CDH13: variants seen among roughly 807,000 people sequenced by gnomAD.
CDH13 encodes cadherin-13.
CDH13 carries 24 observed loss-of-function variants against 63.8 expected under a neutral mutation model. That is an observed-to-expected ratio of 0.38 (90% CI 0.27 to 0.53). The LOEUF is 0.53. Among genes scored for constraint, CDH13 ranks in the 20% least tolerant of loss-of-function variants. The pLI is 0.85. For synonymous variants in CDH13, 503 were observed against 355.3 expected (o/e 1.42, Z -4.67); for missense variants, 1,049 against 903.1 (o/e 1.16, Z -2.07).
At chr16:83,192,844 C>T (rs539625648) in intron 4 of CDH13, among the ~76,000 whole-genome samples, 4 of 152,168 alleles carry the variant, frequency 2.6e-5, no homozygotes, top group African/African-American at 7.2e-5. Flanking sequence ...GCAATCGACT[C>T]GGGGCGAACA....
intron 2 of CDH13, among the ~76,000 whole-genome samples, chr16:82,913,272 C>A (rs931092205): frequency 1.3e-5 from 2 of 152,066 alleles, no homozygotes; most frequent in Non-Finnish European, 2.9e-5. Context: ...GAGAGGGAAA[C>A]GTTCGATGCT....
intron 1 of CDH13, among the ~76,000 whole-genome samples, chr16:82,711,427 T>G (rs1260112236): frequency 1.3e-5 from 2 of 152,146 alleles, no homozygotes; most frequent in African/African-American, 4.8e-5. Flanking sequence ...AGGAACACAG[T>G]GAAGTAAACA....
intron 12 of CDH13, among the ~76,000 whole-genome samples, chr16:83,782,925 C>G (rs184684494): frequency 6.6e-6 from 1 of 152,100 alleles, no homozygotes; most frequent in East Asian, 1.9e-4. Flanking sequence ...TCTTGGTAAT[C>G]AATCATCTTC....
At chr16:82,932,897 G>C (rs1432591471) in intron 2 of CDH13, among the ~76,000 whole-genome samples, 1 of 152,210 alleles carries the variant, frequency 6.6e-6, no homozygotes, top group African/African-American at 2.4e-5. Flanking sequence ...GACTAGTAGA[G>C]AATGAAGTTT....
intron 6 of CDH13, among the ~76,000 whole-genome samples, chr16:83,475,205 G>A (rs769463720): frequency 3.9e-5 from 6 of 152,248 alleles, no homozygotes; most frequent in Non-Finnish European, 7.3e-5. Flanking sequence ...CTGTGCAACT[G>A]TGCAGGTCAC....
intron 7 of CDH13, among the ~76,000 whole-genome samples, chr16:83,579,192 T>TACC: frequency 6.6e-6 from 1 of 152,330 alleles, no homozygotes; most frequent in Middle Eastern, 3.4e-3. Context: ...ACCTCACTGT[T>TACC]ACCACCTCAG....
At chr16:83,099,955 G>C (rs971558679) in intron 3 of CDH13, among the ~76,000 whole-genome samples, 2 of 152,120 alleles carry the variant, frequency 1.3e-5, no homozygotes, top group Admixed American at 6.5e-5. Context: ...GTCCTACAAA[G>C]CCAAGTTAGC....
At chr16:83,712,485 G>A (rs979348151) in intron 10 of CDH13, among the ~76,000 whole-genome samples, 5 of 152,190 alleles carry the variant, frequency 3.3e-5, no homozygotes, top group Admixed American at 3.3e-4. Context: ...TGTCTTTACA[G>A]AAGGAAATAT....
intron 7 of CDH13, among the ~76,000 whole-genome samples, chr16:83,549,324 A>T (rs913787692): frequency 6.6e-6 from 1 of 152,174 alleles, no homozygotes; most frequent in Admixed American, 6.5e-5. Flanking sequence ...TGTGCAAAGC[A>T]CCTATTTGGA....
chr16:83,242,629 G>A (rs1444881089), intron 5 of CDH13, among the ~76,000 whole-genome samples: 1 of 152,186 alleles, frequency 6.6e-6, no homozygotes, highest in African/African-American at 2.4e-5. Context: ...TAGATCAGTG[G>A]AAGAGAAGAT....
At chr16:83,650,122 C>G (rs1219235345) in intron 8 of CDH13, among the ~76,000 whole-genome samples, 1 of 152,172 alleles carries the variant, frequency 6.6e-6, no homozygotes, top group East Asian at 1.9e-4. Context: ...TTGACCCTGG[C>G]TGTAAGACCA....
intron 6 of CDH13, among the ~76,000 whole-genome samples, chr16:83,434,536 TCTAAC>T (rs1484726381): frequency 1.3e-5 from 2 of 151,666 alleles, no homozygotes; most frequent in Non-Finnish European, 2.9e-5. Flanking sequence ...TGCTGAAAAA[TCTAAC>T]CTAGAGTCCC....
At chr16:82,709,700 G>A (rs1208081256) in intron 1 of CDH13, among the ~76,000 whole-genome samples, 3 of 152,288 alleles carry the variant, frequency 2.0e-5, no homozygotes, top group South Asian at 4.1e-4. Context: ...GAGGAGCTTA[G>A]CTTGTTTAAC....
intron 5 of CDH13, among the ~76,000 whole-genome samples, chr16:83,303,805 A>G (rs1215477417): frequency 6.6e-6 from 1 of 152,158 alleles, no homozygotes; most frequent in African/African-American, 2.4e-5. Flanking sequence ...CCCCAATACC[A>G]GAATTAAATC....
chr16:83,226,919 A>C (rs146746872), intron 5 of CDH13, among the ~76,000 whole-genome samples: 42 of 152,278 alleles, frequency 2.8e-4, no homozygotes, highest in African/African-American at 9.9e-4. Flanking sequence ...ATCAGCATAA[A>C]GATATTTATT....
At chr16:83,277,888 T>C (rs1399045864) in intron 5 of CDH13, among the ~76,000 whole-genome samples, 3 of 152,316 alleles carry the variant, frequency 2.0e-5, no homozygotes, top group African/African-American at 7.2e-5. Flanking sequence ...ATTTGAGAAG[T>C]TTGTTTGCTA....
intron 1 of CDH13, among the ~76,000 whole-genome samples, chr16:82,785,096 C>G (rs1268266610): frequency 6.6e-6 from 1 of 152,096 alleles, no homozygotes; most frequent in Non-Finnish European, 1.5e-5. Flanking sequence ...CTGATGAAGT[C>G]TGAAGGAGGG....
intron 3 of CDH13, among the ~76,000 whole-genome samples, chr16:83,037,925 A>G (rs779290447): frequency 3.3e-5 from 5 of 152,170 alleles, no homozygotes; most frequent in African/African-American, 1.2e-4. Flanking sequence ...AGTTCCCATC[A>G]ATGGTATAAT....
At chr16:83,530,102 G>A (rs916070332) in intron 7 of CDH13, among the ~76,000 whole-genome samples, 2 of 152,156 alleles carry the variant, frequency 1.3e-5, no homozygotes, top group Non-Finnish European at 2.9e-5. Flanking sequence ...CCATGGCTCT[G>A]CGTACCTGTT....
Sources: allele counts gnomAD v4.1 joint callset (sites outside exome capture counted in the v4.1 genomes callset), GRCh38; gene constraint gnomAD v4.1.1; transcripts MANE v1.5; gene names NCBI Gene and HGNC (gene_info 2026-07-23, HGNC 2026-07-21).